Variants in DENND2C observed in about 807,000 individuals in gnomAD.
DENND2C encodes the protein DENN domain-containing protein 2C.
A neutral mutation model predicts 112.4 loss-of-function variants in DENND2C; 72 were observed. The observed-to-expected ratio is 0.64, with a 90% CI of 0.53 to 0.78. The LOEUF (loss-of-function observed/expected upper bound fraction) is 0.78, where lower values mean the gene tolerates loss of function less well. Among genes scored for constraint, DENND2C ranks in the 30% least tolerant of loss-of-function variants. The pLI, the probability that DENND2C is intolerant of heterozygous loss-of-function variation, is 0.00. For synonymous variants in DENND2C, 329 were observed against 381.6 expected (o/e 0.86, Z 1.61); for missense variants, 992 against 1,113.8 (o/e 0.89, Z 1.56).
At chr1:114,660,297 G>A (rs1657457395) in intron 1 of DENND2C, among the ~76,000 whole-genome samples, 1 of 152,158 alleles carries the variant, frequency 6.6e-6, no homozygotes, top group Non-Finnish European at 1.5e-5. Flanking sequence ...GCATACCAAA[G>A]CTTTGCAATA....
chr1:114,626,655 T>C (rs1268016164), intron 3 of DENND2C, among the ~76,000 whole-genome samples: 2 of 151,608 alleles, frequency 1.3e-5, no homozygotes, highest in African/African-American at 4.8e-5. Context: ...TGACTACAGG[T>C]ACATGCCACC....
chr1:114,622,678 G>A (rs372677128), intron 6 of DENND2C, among the ~76,000 whole-genome samples: 24 of 151,904 alleles, frequency 1.6e-4, no homozygotes, highest in African/African-American at 5.1e-4. Context: ...GGACTAGGAA[G>A]GTAATTTAAT....
At chr1:114,628,532 A>C (rs1340877121) in intron 3 of DENND2C, among the ~76,000 whole-genome samples, 1 of 152,226 alleles carries the variant, frequency 6.6e-6, no homozygotes, top group Non-Finnish European at 1.5e-5. Context: ...GAACTATTTC[A>C]AAAATAAAAG....
At chr1:114,646,923 G>A (rs1657004296) in intron 2 of DENND2C, among the ~76,000 whole-genome samples, 1 of 152,126 alleles carries the variant, frequency 6.6e-6, no homozygotes. Flanking sequence ...ACTTTGGGAG[G>A]CTGAGGTGGG....
chr1:114,662,471 A>G (rs930565214), intron 1 of DENND2C, among the ~76,000 whole-genome samples: 3 of 152,210 alleles, frequency 2.0e-5, no homozygotes, highest in Non-Finnish European at 2.9e-5. Context: ...ATTTCTCTCC[A>G]TATCCTTTGT....
chr1:114,650,673 C>CAAAAAAAA (rs58693255), intron 2 of DENND2C, among the ~76,000 whole-genome samples: 3 of 61,612 alleles, frequency 4.9e-5, no homozygotes, highest in Non-Finnish European at 8.4e-5. Context: ...GACTCCGTCT[C>CAAAAAAAA]AAAAAAAAAA....
At chr1:114,619,616 T>C (rs187959387) in intron 7 of DENND2C, among the ~76,000 whole-genome samples, 1 of 152,258 alleles carries the variant, frequency 6.6e-6, no homozygotes, top group African/African-American at 2.4e-5. Context: ...TAAAGATTTT[T>C]ATCACTGCAA....
chr1:114,661,926 C>T (rs945130699), intron 1 of DENND2C, among the ~76,000 whole-genome samples: 1 of 152,156 alleles, frequency 6.6e-6, no homozygotes, highest in Non-Finnish European at 1.5e-5. Context: ...TTTTTAACAA[C>T]AGCAGACAAA....
chr1:114,610,340 A>G (rs537649051), intron 9 of DENND2C, among the ~76,000 whole-genome samples: 3 of 152,324 alleles, frequency 2.0e-5, no homozygotes, highest in East Asian at 3.9e-4. Flanking sequence ...TAACAAATAG[A>G]TATTTCCTTT....
At chr1:114,658,049 G>C (rs997802346) in intron 1 of DENND2C, among the ~76,000 whole-genome samples, 2 of 152,150 alleles carry the variant, frequency 1.3e-5, no homozygotes, top group Admixed American at 6.5e-5. Context: ...AGGTTTAGGG[G>C]CTATACACTG....
rs747515241 is a variant in DENND2C at position 114,601,584 on chromosome 1, G to T, written c.1739C>A (p.Pro580Gln). 2 of 1,609,924 alleles carry T rather than the reference G, an allele frequency of 1.2e-6. No individual in the cohort carries two copies. The highest frequency in any genetic ancestry group is 2.2e-5 in the East Asian group (1 of 44,748). ...RWFGYCKKLL[P>Q]VGKGKRLPEV... ...AGGGAGTCGCTTTCCTTTGCCTACT[G>T]GCTAAAAGATAAAAACAACAACAAC... Residue 580 changes from proline (P) to glutamine (Q), a missense_variant and splice_region_variant, in exon 13 of 21, where the codon CCA becomes CAA. By Grantham distance (76) the Pro-to-Gln change is moderately conservative. Around this residue, in one of 3 missense-constraint regions of DENND2C, gnomAD observed 516 missense variants for 623.6 expected, o/e 0.83. Transcript: ENST00000393274.
chr1:114,664,570 C>G (rs1431955998), intron 1 of DENND2C, among the ~76,000 whole-genome samples: 1 of 151,988 alleles, frequency 6.6e-6, no homozygotes, highest in African/African-American at 2.4e-5. Flanking sequence ...ACCTCCACCT[C>G]CTGGGTTCAA....
chr1:114,653,011 G>C (rs1458090563), intron 2 of DENND2C, among the ~76,000 whole-genome samples: 1 of 151,958 alleles, frequency 6.6e-6, no homozygotes. Context: ...GAATCTTTTC[G>C]ATCCGTGATT....
In DENND2C at chr1:114,600,973, A is replaced by C. The variant is rs752863906; in HGVS notation, c.1816-13T>G. On this transcript the variant is annotated splice_polypyrimidine_tract_variant and intron_variant, in intron 13 of 20. Transcript: ENST00000393274. The stretch of plus-strand genomic sequence containing the variant: ...CTTCATCCAGAATCTATATACGCAA[A>C]GTGTTATTTTATTATGGACTAAGTT... 1 of 1,607,342 alleles carries C rather than the reference A, an allele frequency of 6.2e-7. No homozygotes were observed. Among genetic ancestry groups the C allele is most frequent in the African/African-American group, 1.3e-5 (1 of 74,564 alleles).
intron 8 of DENND2C, among the ~76,000 whole-genome samples, chr1:114,615,269 T>A (rs942982107): frequency 3.3e-5 from 5 of 152,184 alleles, no homozygotes; most frequent in African/African-American, 7.2e-5. Context: ...TGTCTAGTTT[T>A]AAATAACACA....
In DENND2C at chr1:114,625,764, G is replaced by T. The variant is rs772972284; in HGVS notation, c.221C>A (p.Thr74Asn). The change falls in exon 4 of 21, where the codon ACC becomes AAC. Residue 74 changes from threonine to asparagine, a missense_variant. Physicochemically the swap from Thr to Asn is moderately conservative, Grantham distance 65 (BLOSUM62 0). Coordinates refer to ENST00000393274, the MANE Select transcript of DENND2C (RefSeq NM_001256404.2). ...ATCTAGACCCACATTTTCACGGCTG[G>T]TTACATCCAAGTTTTTGCTCTTTCT... The part of the protein sequence containing the change: ...AERKSKNLDV[T>N]SRENVGLDIN... 6.2e-7 allele frequency: 1 copy of T among 1,613,880 alleles called. No homozygotes were observed. Among genetic ancestry groups the T allele is most frequent in the Non-Finnish European group, 8.5e-7 (1 of 1,180,018 alleles).
intron 3 of DENND2C, among the ~76,000 whole-genome samples, chr1:114,643,185 C>T (rs1160831708): frequency 6.6e-6 from 1 of 152,080 alleles, no homozygotes; most frequent in Non-Finnish European, 1.5e-5. Flanking sequence ...TTAAAGTAAA[C>T]CTCAATCTCA....
chr1:114,608,942 A>G, intron 9 of DENND2C, 69 bp from the exon 10 acceptor site: 2 of 1,534,552 alleles, frequency 1.3e-6, no homozygotes, highest in Non-Finnish European at 1.8e-6. Flanking sequence ...TCCAGAGGTC[A>G]TGACCCACAT....
At chr1:114,612,886 C>T (rs1163799660) in intron 8 of DENND2C, among the ~76,000 whole-genome samples, 1 of 151,978 alleles carries the variant, frequency 6.6e-6, no homozygotes, top group Non-Finnish European at 1.5e-5. Context: ...GTCTCAAACT[C>T]CTGGGGTCAA....
Sources: allele counts gnomAD v4.1 joint callset (sites outside exome capture counted in the v4.1 genomes callset), GRCh38; gene constraint gnomAD v4.1.1; regional missense constraint gnomAD v4.1.1; transcripts MANE v1.5; gene names NCBI Gene and HGNC (gene_info 2026-07-23, HGNC 2026-07-21).